The following ZNF469 variants were observed in gnomAD, a reference collection of about 807,000 sequenced individuals.
The protein encoded by ZNF469 is zinc finger protein 469.
ZNF469 carries 1 observed loss-of-function variant against 1.0 expected under a neutral mutation model. The ratio of observed to expected loss-of-function variants is 1.00; its 90% CI spans 0.35 to 4.73. The LOEUF is 4.73. Ranked by LOEUF, ZNF469 falls within the 30% of genes most tolerant of loss-of-function variation. The pLI, the probability that ZNF469 is intolerant of heterozygous loss-of-function variation, is 0.16. For missense variants in ZNF469, 6,100 were observed against 5,356.3 expected, an observed-to-expected ratio of 1.14 and a Z score of -4.33; for synonymous variants, 2,703 against 2,363.4, an observed-to-expected ratio of 1.14 and a Z score of -4.17.
chr16:88,425,556 G>A (rs896938951), intron 2 of ZNF469, among the ~76,000 whole-genome samples: 2 of 152,188 alleles, frequency 1.3e-5, no homozygotes, highest in African/African-American at 4.8e-5. Flanking sequence ...GCCTTGAGCG[G>A]GTTCCCCACC....
At chr16:88,338,596 G>A in the ZNF469 span, among the ~76,000 whole-genome samples, 1 of 152,214 alleles carries the variant, frequency 6.6e-6, no homozygotes, top group Non-Finnish European at 1.5e-5. Flanking sequence ...AGAGGCCTCT[G>A]CTGGGTGAAC....
the ZNF469 span, among the ~76,000 whole-genome samples, chr16:88,141,028 G>C: frequency 2.0e-5 from 3 of 152,322 alleles, no homozygotes; most frequent in African/African-American, 7.2e-5. Context: ...GTTTGAAAGA[G>C]AGGAAAGAAT....
chr16:88,263,644 G>A, the ZNF469 span, among the ~76,000 whole-genome samples: 1 of 152,174 alleles, frequency 6.6e-6, no homozygotes, highest in African/African-American at 2.4e-5. Flanking sequence ...GGGTGCAGTG[G>A]GCAGCTCAAG....
rs116162520 is a variant in ZNF469 at position 88,396,314 on chromosome 16, C to T, written c.-192+13060C>T. On this transcript the variant is annotated intron_variant, in intron 1 of 2. Transcript: ENST00000565624. ...CTCCTGGCTCTGCTTTTCTGCACAT[C>T]AGCTCCAAACTCAAGAGACCCTCCT... 6.5e-3 allele frequency among the ~76,000 whole-genome samples: 995 copies of T among 152,378 alleles called. 12 individuals carry two copies. The highest frequency in any genetic ancestry group is 0.022 in the African/African-American group (919 of 41,586).
the ZNF469 span, among the ~76,000 whole-genome samples, chr16:88,293,281 G>C: frequency 4.6e-5 from 7 of 151,640 alleles, no homozygotes; most frequent in Admixed American, 3.9e-4. Context: ...TGGATGGATG[G>C]GTGGACACGT....
the ZNF469 span, among the ~76,000 whole-genome samples, chr16:88,147,354 G>A: frequency 0.067 from 10,121 of 152,064 alleles, 1,191 homozygotes; most frequent in African/African-American, 0.23. Context: ...GACCTTCAGC[G>A]CCAAAGTCAG....
the ZNF469 span, among the ~76,000 whole-genome samples, chr16:88,306,113 T>TA: frequency 1.3e-5 from 2 of 152,338 alleles, no homozygotes; most frequent in South Asian, 2.1e-4. Context: ...GTTGTGGGCC[T>TA]AAGGAAGTCA....
chr16:88,212,309 C>A, the ZNF469 span, among the ~76,000 whole-genome samples: 1 of 152,210 alleles, frequency 6.6e-6, no homozygotes, highest in Non-Finnish European at 1.5e-5. Context: ...AGTTCTCTTG[C>A]ATTACATTTT....
chr16:88,435,449 G>A lies in ZNF469; in HGVS notation c.7979G>A (p.Arg2660His), dbSNP rs1031872807. Residue 2660 changes from arginine (R) to histidine (H), a missense_variant, in exon 3 of 3, where the codon CGC becomes CAC. Transcript: ENST00000565624. ...PVSADVISDG[R>H]GSRPSPAMAS... ...TCTGCTGATGTGATTTCAGATGGGC[G>A]CGGCTCCAGACCATCCCCTGCAATG... 1.9e-5 allele frequency: 29 copies of A among 1,549,772 alleles called. No individual in the cohort carries two copies. The African/African-American group carries it at 2.2e-4, about 12-fold the overall frequency.
the ZNF469 span, among the ~76,000 whole-genome samples, chr16:88,339,003 G>A: frequency 6.6e-6 from 1 of 151,956 alleles, no homozygotes; most frequent in African/African-American, 2.4e-5. Context: ...ACACTTGATA[G>A]TGTGCGTTCA....
the ZNF469 span, among the ~76,000 whole-genome samples, chr16:88,112,025 C>CT: frequency 0.015 from 2,287 of 152,252 alleles, 64 homozygotes; most frequent in African/African-American, 0.052. Context: ...GGATCTCGTT[C>CT]TTTTTTGTGG....
the ZNF469 span, among the ~76,000 whole-genome samples, chr16:88,301,868 G>A: frequency 1.3e-5 from 2 of 152,210 alleles, no homozygotes; most frequent in African/African-American, 2.4e-5. Context: ...CTGCAGGCAG[G>A]AGGGGGTAAC....
the ZNF469 span, among the ~76,000 whole-genome samples, chr16:88,275,763 A>G: frequency 6.6e-6 from 1 of 152,172 alleles, no homozygotes; most frequent in East Asian, 1.9e-4. Flanking sequence ...TGGTTAGGGA[A>G]GGAAGTGTGG....
the ZNF469 span, among the ~76,000 whole-genome samples, chr16:88,296,075 C>A: frequency 1.5e-3 from 236 of 152,296 alleles, 1 homozygote; most frequent in African/African-American, 5.3e-3. Context: ...GAAGCGAGCC[C>A]GCCCGGCTGC....
chr16:88,320,615 C>T, the ZNF469 span, among the ~76,000 whole-genome samples: 1 of 152,152 alleles, frequency 6.6e-6, no homozygotes, highest in African/African-American at 2.4e-5. Context: ...AACTCCTGAC[C>T]TCAAGTGATC....
chr16:88,185,878 A>G, the ZNF469 span, among the ~76,000 whole-genome samples: 3 of 150,440 alleles, frequency 2.0e-5, no homozygotes, highest in Admixed American at 1.3e-4. Flanking sequence ...TAGTATATGC[A>G]CACACACACT....
Position 88,438,368 on chromosome 16 carries a change from G to A in ZNF469, c.10898G>A (p.Cys3633Tyr), listed in dbSNP as rs1906754739. 6.5e-7 allele frequency: 1 copy of A among 1,550,216 alleles called. No individual in the cohort carries two copies. Among genetic ancestry groups the A allele is most frequent in the East Asian group, 2.4e-5 (1 of 40,902 alleles). Residue 3633 changes from cysteine to tyrosine, a missense_variant, in exon 3 of 3, where the codon TGT becomes TAT. Transcript: ENST00000565624. ...KRRAPGARGR[C>Y]APDHFQEDHL... ...AGGGCCCCGGGTGCCCGTGGCAGGT[G>A]TGCCCCTGACCATTTCCAGGAAGAC...
chr16:88,155,070 G>C, the ZNF469 span, among the ~76,000 whole-genome samples: 4 of 152,224 alleles, frequency 2.6e-5, no homozygotes, highest in South Asian at 6.2e-4. Context: ...GCAGACCCGG[G>C]CACCACAATG....
Position 88,430,506 on chromosome 16 carries a change from C to G in ZNF469, c.3036C>G (p.Val1012=). The part of the protein sequence containing the change: ...PGSRADPAPR[V]PRAAALPEET... ...GCCGCGCAGACCCCGCGCCCCGGGT[C>G]CCGAGAGCCGCCGCCCTCCCCGAGG... Residue 1012 remains valine, a synonymous_variant, in exon 3 of 3, where the codon GTC becomes GTG. Transcript: ENST00000565624. 5 of 1,424,674 alleles carry G rather than the reference C, an allele frequency of 3.5e-6. No individual in the cohort carries two copies. Among genetic ancestry groups the G allele is most frequent in the Non-Finnish European group, 3.6e-6 (4 of 1,099,444 alleles). The allele number at this position is 1,424,674 out of a possible 1,614,324, so 88.3% of individuals were successfully genotyped here.
Sources: gnomAD v4.1 joint callset for allele counts (sites outside exome capture counted in the v4.1 genomes callset) on GRCh38, gnomAD v4.1.1 for gene constraint, MANE v1.5 for transcripts, NCBI Gene and HGNC (gene_info 2026-07-23, HGNC 2026-07-21) for gene names.